Variants in DNAH9 observed in about 807,000 individuals in gnomAD.
DNAH9 encodes dynein axonemal heavy chain 9.
A neutral mutation model predicts 471.6 loss-of-function variants in DNAH9; 345 were observed. The ratio of observed to expected loss-of-function variants is 0.73; its 90% CI spans 0.67 to 0.80. The LOEUF is 0.80. Ranked by LOEUF, DNAH9 falls within the 30% of genes least tolerant of loss-of-function variation. DNAH9 has a pLI of 0.00. For missense variants in DNAH9, 5,407 were observed against 5,609.2 expected (o/e 0.96, Z 1.15); for synonymous variants, 2,093 against 2,123.6 (o/e 0.99, Z 0.40).
At chr17:11,727,340 T>C (rs1302135661) in intron 27 of DNAH9, among the ~76,000 whole-genome samples, 1 of 152,166 alleles carries the variant, frequency 6.6e-6, no homozygotes, top group Non-Finnish European at 1.5e-5. Context: ...TTTTTGGTTT[T>C]GGTTTTTGTT....
intron 9 of DNAH9, 129 bp downstream of exon 9, chr17:11,636,913 C>A (rs2150680342): frequency 2.3e-6 from 2 of 860,650 alleles, no homozygotes. Context: ...GCACAACCTT[C>A]TTGCTTGAAA....
At chr17:11,731,879 T>C (rs2075276632) in intron 28 of DNAH9, among the ~76,000 whole-genome samples, 1 of 152,194 alleles carries the variant, frequency 6.6e-6, no homozygotes, top group Non-Finnish European at 1.5e-5. Flanking sequence ...TGTGTCTTTA[T>C]AGCAGCATGA....
rs1347368949 is a variant in DNAH9, at chr17:11,781,839, A to AC, written c.7718+665_7718+666insC. Reference sequence around the variant, plus strand: ...AGAGCGAGACTCCATCTTAAAAAAAAAAAACAAACAAAAAAAAAACTACCA... The same window carrying AC: ...AGAGCGAGACTCCATCTTAAAAAAAACAAAACAAACAAAAAAAAAACTACCA... On this transcript the variant is annotated intron_variant, in intron 39 of 68. Transcript: ENST00000262442. 1.1e-3 allele frequency among the ~76,000 whole-genome samples: 158 copies of AC among 146,268 alleles called. 5 individuals carry two copies. The highest frequency in any genetic ancestry group is 3.8e-3 in the African/African-American group (149 of 38,730).
intron 62 of DNAH9, chr17:11,925,423 A>C (rs1458564888): frequency 6.7e-6 from 2 of 298,972 alleles, no homozygotes; most frequent in Non-Finnish European, 1.3e-5. Context: ...CAACTGAGAG[A>C]TCTGCCCCTC....
At chr17:11,705,350 GGCAGA>G in intron 26 of DNAH9, 165 bp downstream of exon 26, 1 of 602,286 alleles carries the variant, frequency 1.7e-6, no homozygotes, top group South Asian at 2.2e-5. Flanking sequence ...AAGGATGTAG[GGCAGA>G]GCCTTTCTTG....
chr17:11,681,512 A>G (rs947708922), intron 19 of DNAH9, among the ~76,000 whole-genome samples: 8 of 152,110 alleles, frequency 5.3e-5, no homozygotes, highest in Admixed American at 4.6e-4. Context: ...CTCAGCATCA[A>G]CGGCTCCAAC....
intron 8 of DNAH9, 140 bp from the exon 9 acceptor site, chr17:11,636,494 A>C: frequency 1.6e-6 from 1 of 623,694 alleles, no homozygotes; most frequent in Non-Finnish European, 2.8e-6. Context: ...GAATAATTAC[A>C]GGTCCAGCTC....
intron 31 of DNAH9, among the ~76,000 whole-genome samples, chr17:11,746,936 T>G (rs1384740035): frequency 6.6e-6 from 1 of 151,916 alleles, no homozygotes; most frequent in Non-Finnish European, 1.5e-5. Context: ...TATTGTGAGA[T>G]TCAAAAAAAT....
chr17:11,657,064 T>C (rs544204018), intron 14 of DNAH9, among the ~76,000 whole-genome samples: 59 of 152,310 alleles, frequency 3.9e-4, no homozygotes, highest in African/African-American at 1.4e-3. Context: ...AGTTATTCCA[T>C]GGACATATGT....
In DNAH9 at chr17:11,652,958, A is replaced by T. The variant is rs1325223165; in HGVS notation, c.2551A>T (p.Asn851Tyr). 6.2e-7 allele frequency: 1 copy of T among 1,614,036 alleles called. No homozygotes were observed. Among genetic ancestry groups the T allele is most frequent in the African/African-American group, 1.3e-5 (1 of 75,064 alleles). Residue 851 changes from asparagine to tyrosine, a missense_variant, in exon 14 of 69, where the codon AAT becomes TAT. By Grantham distance (143) the Asn-to-Tyr change is moderately radical (BLOSUM62 -2). Coordinates refer to ENST00000262442, the MANE Select transcript of DNAH9 (RefSeq NM_001372.4). ...GCATGATCGAATGGAAAAATATTAC[A>T]ATCTCATCAAGGAATCTGGCCTTAA... ...DRHDRMEKYY[N>Y]LIKESGLKIH...
intron 27 of DNAH9, among the ~76,000 whole-genome samples, chr17:11,722,877 G>A (rs1453287610): frequency 6.6e-6 from 1 of 152,228 alleles, no homozygotes; most frequent in South Asian, 2.1e-4. Flanking sequence ...TGCTATTGCA[G>A]GGACATCAAA....
At chr17:11,767,193 C>T (rs377130256) in intron 36 of DNAH9, among the ~76,000 whole-genome samples, 136 of 152,250 alleles carry the variant, frequency 8.9e-4, no homozygotes, top group African/African-American at 3.1e-3. Context: ...ACCCACCCTT[C>T]CTTCCTTCTA....
At chr17:11,731,204 T>C (rs559892329) in intron 28 of DNAH9, among the ~76,000 whole-genome samples, 1 of 151,896 alleles carries the variant, frequency 6.6e-6, no homozygotes, top group Non-Finnish European at 1.5e-5. Context: ...GTTATTATGG[T>C]GAGAATGATG....
chr17:11,700,785 A>G (rs1317105509), intron 23 of DNAH9, among the ~76,000 whole-genome samples: 2 of 152,216 alleles, frequency 1.3e-5, no homozygotes, highest in African/African-American at 4.8e-5. Flanking sequence ...GGACAAGGTC[A>G]TGAGAAGCCA....
intron 67 of DNAH9, among the ~76,000 whole-genome samples, chr17:11,958,885 T>C (rs2151448931): frequency 6.6e-6 from 1 of 152,170 alleles, no homozygotes; most frequent in African/African-American, 2.4e-5. Flanking sequence ...CTTAGCAAAA[T>C]GTTAACAAAT....
Position 11,883,883 on chromosome 17 carries a change from G to T in DNAH9, c.10971+133G>T, listed in dbSNP as rs964517068. On this transcript the variant is annotated intron_variant, in intron 56 of 68. Coordinates refer to ENST00000262442, the MANE Select transcript of DNAH9 (RefSeq NM_001372.4). ...CACATGGCTTTTCTGTCTTAGCAAG[G>T]TTCTTCTAGAAAGTCTACCTAGGCA... 3.8e-6 allele frequency: 4 copies of T among 1,045,210 alleles called. No individual in the cohort carries two copies. In the African/African-American group the frequency reaches 4.8e-5, roughly 13 times the overall value. The allele number at this position is 1,045,210 out of a possible 1,614,324, so 64.7% of individuals were successfully genotyped here.
At chr17:11,638,146 A>G (rs1014868763) in intron 9 of DNAH9, among the ~76,000 whole-genome samples, 8 of 150,710 alleles carry the variant, frequency 5.3e-5, no homozygotes, top group African/African-American at 2.0e-4. Flanking sequence ...AAAGGCTTTT[A>G]AGTAGCTGAG....
chr17:11,783,176 G>A (rs766222792), intron 39 of DNAH9, among the ~76,000 whole-genome samples: 6 of 152,128 alleles, frequency 3.9e-5, no homozygotes, highest in Non-Finnish European at 7.3e-5. Flanking sequence ...TGAAACCATG[G>A]TTTTTAGTTT....
Position 11,956,182 on chromosome 17 carries a change from G to C in DNAH9, c.12844-5685G>C, listed in dbSNP as rs563631236. On this transcript the variant is annotated intron_variant, in intron 67 of 68. Transcript: ENST00000262442. ...TATAATATAAAAACACTAATCAAAA[G>C]AAAGTTGTAGAGGCTATATAAAAAT... Among the ~76,000 whole-genome samples, 10 of 152,196 alleles carry C rather than the reference G, an allele frequency of 6.6e-5. 1 individual carries two copies. In the East Asian group the frequency reaches 1.5e-3, roughly 23 times the overall value.
Sources: gnomAD v4.1 joint callset for allele counts (sites outside exome capture counted in the v4.1 genomes callset) on GRCh38, gnomAD v4.1.1 for gene constraint, MANE v1.5 for transcripts, NCBI Gene and HGNC (gene_info 2026-07-23, HGNC 2026-07-21) for gene names.